Variants in DMD observed in about 807,000 individuals in gnomAD.
The protein encoded by DMD is mutant dystrophin.
A neutral mutation model predicts 330.1 loss-of-function variants in DMD; 63 were observed. That is an observed-to-expected ratio of 0.19 (90% confidence interval 0.16 to 0.24). The LOEUF is 0.24. Among genes scored for constraint, DMD ranks in the 10% least tolerant of loss-of-function variants. The pLI, the probability that DMD is intolerant of heterozygous loss-of-function variation, is 1.00. For synonymous variants in DMD, 1,223 were observed against 959.8 expected, an observed-to-expected ratio of 1.27 and a Z score of -5.07; for missense variants, 3,344 against 2,684.1, an observed-to-expected ratio of 1.25 and a Z score of -5.43.
intron 33 of DMD, among the ~76,000 whole-genome samples, chrX:32,381,995 AT>A (rs779803755): frequency 1.8e-5 from 2 of 111,154 alleles, no homozygotes; most frequent in South Asian, 7.5e-4. Flanking sequence ...ATACTTATTA[AT>A]AGAACACAGG....
chrX:32,005,115 T>C (rs2095652623), intron 44 of DMD, among the ~76,000 whole-genome samples: 1 of 111,540 alleles, frequency 9.0e-6, no homozygotes, highest in African/African-American at 3.3e-5. Flanking sequence ...CAAAGGACAA[T>C]ATTAGCTATA....
At chrX:31,503,489 C>G (rs1463235467) in intron 56 of DMD, among the ~76,000 whole-genome samples, 1 of 112,057 alleles carries the variant, frequency 8.9e-6, no homozygotes, top group Non-Finnish European at 1.9e-5. Flanking sequence ...CTACCATACT[C>G]ACATATTTCG....
At chrX:32,569,237 C>CA (rs2149112374) in intron 15 of DMD, among the ~76,000 whole-genome samples, 1 of 111,937 alleles carries the variant, frequency 8.9e-6, no homozygotes, top group Admixed American at 9.5e-5. Context: ...TGTATCCTTA[C>CA]AAAAGGCCCA....
At chrX:33,079,051 A>T (rs1254569355) in intron 1 of DMD, among the ~76,000 whole-genome samples, 1 of 111,280 alleles carries the variant, frequency 9.0e-6, no homozygotes, top group Admixed American at 9.5e-5. Context: ...TTTTTTTGAG[A>T]CAGAGTTTCT....
chrX:32,160,478 G>A (rs1189384397), intron 44 of DMD, among the ~76,000 whole-genome samples: 17 of 109,793 alleles, frequency 1.5e-4, no homozygotes, highest in Non-Finnish European at 2.1e-4. Context: ...CAGGTGATCC[G>A]CCTGCCTCAG....
At position 31,456,034 on chromosome X, in the gene DMD, T is replaced by C. The variant is rs754353847; in HGVS notation, c.8938-11407A>G. 7.4e-5 allele frequency among the ~76,000 whole-genome samples: 8 copies of C among 108,287 alleles called. No individual in the cohort carries two copies. In the East Asian group the frequency reaches 2.1e-3, roughly 28 times the overall value. The allele number at this position is 108,287 out of a possible 115,157, so 94.0% of individuals were successfully genotyped here. On this transcript the variant is annotated intron_variant, in intron 59 of 78. Coordinates refer to ENST00000357033, the MANE Select transcript of DMD (RefSeq NM_004006.3). ...CCCTTGCAGGGATTGGGATTATAGA[T>C]GCTGGGGCTGAGATTACAGATGATC...
At chrX:32,156,631 TACACACACACACACAC>T (rs747490085) in intron 44 of DMD, among the ~76,000 whole-genome samples, 3 of 94,055 alleles carry the variant, frequency 3.2e-5, no homozygotes, top group Non-Finnish European at 6.4e-5. Flanking sequence ...GACAAAAGGA[TACACACACACACACAC>T]ACACACACAC....
In DMD at chrX:31,387,290, C is replaced by T. The variant is rs186175369; in HGVS notation, c.9085-38656G>A. Among the ~76,000 whole-genome samples, 427 of 112,322 alleles carry T rather than the reference C, an allele frequency of 3.8e-3. 2 individuals carry two copies. The highest frequency in any genetic ancestry group is 0.013 in the African/African-American group (407 of 30,929). ...GAGAGGAATTCAGATGAGGTGAATT[C>T]TAACCCAGATATCACATTAAATAGC... On this transcript the variant is annotated intron_variant, in intron 60 of 78. Transcript: ENST00000357033.
At chrX:31,901,313 C>A (rs1196166400) in intron 47 of DMD, among the ~76,000 whole-genome samples, 1 of 111,677 alleles carries the variant, frequency 9.0e-6, no homozygotes, top group East Asian at 2.8e-4. Context: ...TTGCTCTATT[C>A]AGGAGGAATC....
At chrX:33,123,723 G>T (rs1171465066) in intron 1 of DMD, among the ~76,000 whole-genome samples, 3 of 97,939 alleles carry the variant, frequency 3.1e-5, no homozygotes, top group Non-Finnish European at 6.0e-5. Context: ...CGGTTCAAAT[G>T]AGTTTTTTTT....
intron 43 of DMD, among the ~76,000 whole-genome samples, chrX:32,237,763 G>A (rs938200821): frequency 9.0e-6 from 1 of 111,671 alleles, no homozygotes; most frequent in Non-Finnish European, 1.9e-5. Flanking sequence ...GCTTCTTATT[G>A]TTACGGTAGA....
At chrX:32,985,825 C>T (rs1399321785) in intron 2 of DMD, among the ~76,000 whole-genome samples, 1 of 111,164 alleles carries the variant, frequency 9.0e-6, no homozygotes, top group African/African-American at 3.3e-5. Context: ...TTGTTGAAAC[C>T]TATAAAGGTA....
At chrX:31,209,821 AC>A in intron 64 of DMD, 122 bp from the exon 65 acceptor site, 1 of 644,970 alleles carries the variant, frequency 1.6e-6, no homozygotes, top group Non-Finnish European at 2.5e-6. Flanking sequence ...CCAAACGTGA[AC>A]CACACTCTCT....
intron 60 of DMD, among the ~76,000 whole-genome samples, chrX:31,408,618 C>A (rs1019054139): frequency 3.6e-5 from 4 of 111,189 alleles, no homozygotes; most frequent in African/African-American, 1.3e-4. Flanking sequence ...AGGCTGGTCT[C>A]GAAGTCCTGA....
chrX:33,189,016 T>G (rs1459756685), intron 1 of DMD, among the ~76,000 whole-genome samples: 1 of 111,808 alleles, frequency 8.9e-6, no homozygotes, highest in Non-Finnish European at 1.9e-5. Flanking sequence ...AAACCCAGTC[T>G]ACTGTGGTAT....
intron 1 of DMD, among the ~76,000 whole-genome samples, chrX:33,231,965 T>A (rs932313433): frequency 9.0e-6 from 1 of 111,310 alleles, no homozygotes; most frequent in African/African-American, 3.3e-5. Context: ...AGGGGTCAGC[T>A]TCACAGTGAC....
intron 45 of DMD, among the ~76,000 whole-genome samples, chrX:31,955,426 T>C (rs1486767568): frequency 1.8e-5 from 2 of 112,099 alleles, no homozygotes; most frequent in African/African-American, 6.5e-5. Context: ...TCACTGACTT[T>C]TAGTTCTCGA....
chrX:32,116,786 A>G (rs2146700031), intron 44 of DMD, among the ~76,000 whole-genome samples: 1 of 112,410 alleles, frequency 8.9e-6, no homozygotes, highest in East Asian at 2.8e-4. Flanking sequence ...ACTAAAACAA[A>G]CATTACCTTT....
chrX:32,405,484 C>T (rs1459847431), intron 30 of DMD, among the ~76,000 whole-genome samples: 3 of 104,440 alleles, frequency 2.9e-5, no homozygotes, highest in Non-Finnish European at 4.0e-5. Flanking sequence ...ATTTCCATAT[C>T]TAGAAGAGTT....
Sources: allele counts gnomAD v4.1 joint callset (sites outside exome capture counted in the v4.1 genomes callset), GRCh38; gene constraint gnomAD v4.1.1; transcripts MANE v1.5; gene names NCBI Gene and HGNC (gene_info 2026-07-23, HGNC 2026-07-21).